Variants in ENTHD1 observed in about 807,000 individuals in gnomAD.
ENTHD1 encodes the protein ENTH domain-containing protein 1.
A neutral mutation model predicts 39.1 loss-of-function variants in ENTHD1; 23 were observed. That is an observed-to-expected ratio of 0.59 (90% confidence interval 0.42 to 0.83). The LOEUF (loss-of-function observed/expected upper bound fraction) is 0.83, where lower values mean the gene tolerates loss of function less well. Ranked by LOEUF, ENTHD1 falls within the 40% of genes least tolerant of loss-of-function variation. The pLI is 0.00. For synonymous variants in ENTHD1, 230 were observed against 258.2 expected, an observed-to-expected ratio of 0.89 and a Z score of 1.05; for missense variants, 624 against 705.4, an observed-to-expected ratio of 0.88 and a Z score of 1.31.
chr22:39,784,582 A>T (rs117757136), intron 5 of ENTHD1, among the ~76,000 whole-genome samples: 11,481 of 144,994 alleles, frequency 0.079, 565 homozygotes, highest in Middle Eastern at 0.12. Context: ...ACACACACAC[A>T]CTAGAATATT....
At chr22:39,787,459 C>T (rs1385694683) in intron 5 of ENTHD1, among the ~76,000 whole-genome samples, 1 of 152,150 alleles carries the variant, frequency 6.6e-6, no homozygotes, top group African/African-American at 2.4e-5. Flanking sequence ...AAAGCTAGGC[C>T]TCTTGTACCA....
intron 6 of ENTHD1, among the ~76,000 whole-genome samples, chr22:39,753,071 T>TA (rs1354640173): frequency 6.6e-6 from 1 of 151,950 alleles, no homozygotes; most frequent in African/African-American, 2.4e-5. Flanking sequence ...AAGACCATGG[T>TA]AAAAAAACAA....
At chr22:39,790,597 GCTTTGAC>G (rs1420029440) in intron 5 of ENTHD1, among the ~76,000 whole-genome samples, 6 of 152,168 alleles carry the variant, frequency 3.9e-5, no homozygotes, top group Admixed American at 6.5e-5. Context: ...TGCAGCCCTT[GCTTTGAC>G]CAGCTTGGGG....
rs59039431 is a variant in ENTHD1 at position 39,845,175 on chromosome 22, AAAC to A, written c.593-9220_593-9218del. Reference sequence around the variant, plus strand: ...AAGAAATCACTAAGTGTTTCTGAACAAACAACAGCCAAAGTTTATTGTGCTGAC... The same window carrying A: ...AAGAAATCACTAAGTGTTTCTGAACAAACAGCCAAAGTTTATTGTGCTGAC... On this transcript the variant is annotated intron_variant, in intron 3 of 6. Coordinates refer to ENST00000325157, the MANE Select transcript of ENTHD1 (RefSeq NM_152512.4). Among the ~76,000 whole-genome samples the A allele has an allele frequency of 7.3e-3, 1,118 of 152,184 alleles. 15 individuals carry two copies. The highest frequency in any genetic ancestry group is 0.026 in the African/African-American group (1,071 of 41,522).
chr22:39,853,495 C>A (rs2066060874), intron 3 of ENTHD1, among the ~76,000 whole-genome samples: 2 of 152,120 alleles, frequency 1.3e-5, no homozygotes, highest in African/African-American at 2.4e-5. Context: ...CGTGCCACTG[C>A]ACTCTAGCCT....
chr22:39,875,195 A>G, intron 2 of ENTHD1: 2 of 718,982 alleles, frequency 2.8e-6, no homozygotes, highest in South Asian at 1.4e-4. Flanking sequence ...CAGAAACATT[A>G]TGTTGAGAGA....
chr22:39,839,173 T>A (rs1407790483), intron 3 of ENTHD1, among the ~76,000 whole-genome samples: 1 of 152,102 alleles, frequency 6.6e-6, no homozygotes, highest in Non-Finnish European at 1.5e-5. Context: ...AAAATCATTT[T>A]AGGGGTTATG....
chr22:39,856,274 C>CAAAAAAAAA (rs34598525), intron 3 of ENTHD1, among the ~76,000 whole-genome samples: 1 of 50,766 alleles, frequency 2.0e-5, no homozygotes, highest in Non-Finnish European at 4.1e-5. Flanking sequence ...AACTTCATCT[C>CAAAAAAAAA]AAAAAAAAAA....
chr22:39,763,531 C>T (rs1450316610), intron 6 of ENTHD1, among the ~76,000 whole-genome samples: 3 of 152,130 alleles, frequency 2.0e-5, no homozygotes, highest in Non-Finnish European at 4.4e-5. Context: ...TATTATCTTG[C>T]TCTGAGAATT....
chr22:39,892,792 A>C (rs1265762598), intron 1 of ENTHD1, among the ~76,000 whole-genome samples: 1 of 152,222 alleles, frequency 6.6e-6, no homozygotes, highest in East Asian at 1.9e-4. Flanking sequence ...GCCTATAGAC[A>C]TGAGTTTGAC....
intron 6 of ENTHD1, among the ~76,000 whole-genome samples, chr22:39,751,678 CAA>C (rs1342861129): frequency 6.6e-6 from 1 of 152,068 alleles, no homozygotes; most frequent in Non-Finnish European, 1.5e-5. Context: ...TGGAGATTTT[CAA>C]AGAGGATAAA....
At chr22:39,813,303 G>A (rs959573298) in intron 5 of ENTHD1, among the ~76,000 whole-genome samples, 6 of 152,108 alleles carry the variant, frequency 3.9e-5, no homozygotes, top group African/African-American at 1.4e-4. Context: ...ATCAGAATAT[G>A]ACAAAGAGAA....
At chr22:39,863,092 C>A (rs1286244069) in intron 2 of ENTHD1, among the ~76,000 whole-genome samples, 1 of 152,178 alleles carries the variant, frequency 6.6e-6, no homozygotes, top group Non-Finnish European at 1.5e-5. Flanking sequence ...TGAACCTGGA[C>A]TCTCCAGCCT....
Position 39,886,484 on chromosome 22 carries a change from G to A in ENTHD1, c.349+916C>T, listed in dbSNP as rs538891995. On this transcript the variant is annotated intron_variant, in intron 2 of 6. Coordinates refer to ENST00000325157, the MANE Select transcript of ENTHD1 (RefSeq NM_152512.4). ...ATGCAAGATGTTATTAAGAGAAATT[G>A]TGTCTGAGTGGGGAAGGGTATGTGG... Among the ~76,000 whole-genome samples the A allele has an allele frequency of 4.4e-4, 67 of 152,288 alleles. No individual in the cohort carries two copies. The South Asian group carries it at 0.011, about 25-fold the overall frequency.
intron 3 of ENTHD1, among the ~76,000 whole-genome samples, chr22:39,850,563 T>C (rs1315739333): frequency 6.6e-6 from 1 of 152,158 alleles, no homozygotes; most frequent in African/African-American, 2.4e-5. Context: ...TTATTTCTAT[T>C]ATTTATTTTA....
chr22:39,811,677 A>T (rs1436165685), intron 5 of ENTHD1, among the ~76,000 whole-genome samples: 1 of 152,198 alleles, frequency 6.6e-6, no homozygotes, highest in Non-Finnish European at 1.5e-5. Flanking sequence ...TCCACTGTCA[A>T]ATCAAAATGA....
intron 2 of ENTHD1, among the ~76,000 whole-genome samples, chr22:39,874,841 G>T (rs1442539669): frequency 2.0e-5 from 3 of 152,070 alleles, no homozygotes; most frequent in Non-Finnish European, 4.4e-5. Context: ...CAACAAAATG[G>T]CTAAATTGAA....
chr22:39,811,225 T>C (rs1452718616), intron 5 of ENTHD1, among the ~76,000 whole-genome samples: 2 of 152,222 alleles, frequency 1.3e-5, no homozygotes, highest in Non-Finnish European at 2.9e-5. Context: ...ATGATAATCA[T>C]GGGCCTCTCT....
intron 4 of ENTHD1, among the ~76,000 whole-genome samples, chr22:39,830,317 C>T (rs2065859146): frequency 1.3e-5 from 2 of 152,220 alleles, no homozygotes; most frequent in Admixed American, 1.3e-4. Flanking sequence ...TCAAGTGATC[C>T]GTCCACCTCG....
Sources: allele counts gnomAD v4.1 joint callset (sites outside exome capture counted in the v4.1 genomes callset), GRCh38; gene constraint gnomAD v4.1.1; transcripts MANE v1.5; gene names NCBI Gene and HGNC (gene_info 2026-07-23, HGNC 2026-07-21).